Variants in FRMD7 observed in about 807,000 individuals in gnomAD.
FRMD7 encodes FERM domain-containing protein 7.
In FRMD7, 14 loss-of-function variants were observed where a neutral mutation model predicts 44.1. That is an observed-to-expected ratio of 0.32 (90% CI 0.21 to 0.50). The LOEUF (loss-of-function observed/expected upper bound fraction) is 0.50, where lower values mean the gene tolerates loss of function less well. Ranked by LOEUF, FRMD7 falls within the 20% of genes least tolerant of loss-of-function variation. The probability of loss-of-function intolerance (pLI) is 0.99; values close to 1 mark genes in which losing one functional copy is unlikely to be tolerated. For synonymous variants in FRMD7, 212 were observed against 187.4 expected (o/e 1.13, Z -1.07); for missense variants, 501 against 522.3 (o/e 0.96, Z 0.40).
At chrX:132,114,494 T>C (rs940255945) in intron 1 of FRMD7, among the ~76,000 whole-genome samples, 2 of 112,339 alleles carry the variant, frequency 1.8e-5, no homozygotes, top group African/African-American at 6.5e-5. Context: ...AAATTTATTT[T>C]CTTCATTTGT....
intron 9 of FRMD7, 56 bp downstream of exon 9, chrX:132,082,307 T>A: frequency 9.9e-7 from 1 of 1,005,870 alleles, no homozygotes; most frequent in Non-Finnish European, 1.4e-6. Context: ...CTAAGCCTCC[T>A]GTGTTATTGA....
chrX:132,097,429 C>A (rs755649538), intron 3 of FRMD7, 85 bp from the exon 4 acceptor site: 287 of 387,972 alleles, frequency 7.4e-4, no homozygotes, highest in Non-Finnish European at 9.2e-4. Flanking sequence ...ACACACACAC[C>A]CACACACACA....
intron 1 of FRMD7, among the ~76,000 whole-genome samples, chrX:132,107,634 G>GAGAGAGAGAGAGAGAGAGAGA (rs1928681190): frequency 2.7e-4 from 18 of 66,272 alleles, no homozygotes; most frequent in African/African-American, 8.8e-4. Flanking sequence ...AGAGAGAGAG[G>GAGAGAGAGAGAGAGAGAGAGA]GAGGGAGAAT....
At chrX:132,094,284 T>C (rs899185742) in intron 4 of FRMD7, 145 bp from the exon 5 acceptor site, 3 of 476,494 alleles carry the variant, frequency 6.3e-6, no homozygotes, top group African/African-American at 2.4e-5. Flanking sequence ...GAGTAATGCA[T>C]AGGCTTTGCT....
At chrX:132,085,764 C>A (rs746859117) in intron 6 of FRMD7, 36 bp from the exon 7 acceptor site, 40 of 1,179,274 alleles carry the variant, frequency 3.4e-5, no homozygotes, top group Non-Finnish European at 4.3e-5. Context: ...CTAATAAATG[C>A]CTCAAGAATG....
intron 4 of FRMD7, 26 bp downstream of exon 4, chrX:132,097,240 C>A: frequency 1.0e-6 from 1 of 995,336 alleles, no homozygotes; most frequent in South Asian, 1.9e-5. Flanking sequence ...TAACATCATG[C>A]AGAGACACAC....
chrX:132,096,286 G>T (rs779461559), intron 4 of FRMD7, among the ~76,000 whole-genome samples: 1 of 109,497 alleles, frequency 9.1e-6, no homozygotes, highest in Non-Finnish European at 1.9e-5. Context: ...AACTCTTTTG[G>T]GGGGAAGACA....
chrX:132,077,863 T>G lies in FRMD7; in HGVS notation c.*9A>C, dbSNP rs1360553733. The stretch of plus-strand genomic sequence containing the variant: ...GAACTGGCTCAGAAATGTCCATAGG[T>G]TCACACTTTTAAGCTAAAAAGTAAT... On this transcript the variant is annotated 3_prime_UTR_variant, in exon 12 of 12. Coordinates refer to ENST00000298542, the MANE Select transcript of FRMD7 (RefSeq NM_194277.3). The G allele has an allele frequency of 1.7e-6, 2 of 1,210,841 alleles. No homozygotes were observed. The highest frequency in any genetic ancestry group is 2.2e-6 in the Non-Finnish European group (2 of 894,548).
chrX:132,120,297 T>A (rs1437566615), intron 1 of FRMD7, among the ~76,000 whole-genome samples: 2 of 112,714 alleles, frequency 1.8e-5, no homozygotes, highest in African/African-American at 3.2e-5. Context: ...TTCAGAGGAA[T>A]CATCTCTGGC....
intron 1 of FRMD7, among the ~76,000 whole-genome samples, chrX:132,105,677 G>A (rs1928627539): frequency 1.8e-5 from 2 of 111,378 alleles, no homozygotes; most frequent in Non-Finnish European, 3.8e-5. Context: ...GGCCAATGGA[G>A]CAGAATAGAG....
At chrX:132,096,842 G>C (rs1468818886) in intron 4 of FRMD7, among the ~76,000 whole-genome samples, 1 of 111,074 alleles carries the variant, frequency 9.0e-6, no homozygotes, top group Non-Finnish European at 1.9e-5. Flanking sequence ...TTTTTCATAA[G>C]TATTTATCAT....
In FRMD7 at chrX:132,084,487, TAC is replaced by T; in HGVS notation, c.741+1_741+2del. ...TAAACGAATTTATTAGAAAGCTACT[TAC>T]CAAGATATTGGCATGAAGTTTGATG... On this transcript the variant is annotated splice_donor_variant, in intron 8 of 11. Coordinates refer to ENST00000298542, the MANE Select transcript of FRMD7 (RefSeq NM_194277.3). LOFTEE classifies it high-confidence loss of function. 1 of 1,106,118 alleles carries T rather than the reference TAC, an allele frequency of 9.0e-7. No homozygotes were observed. The highest frequency in any genetic ancestry group is 1.3e-6 in the Non-Finnish European group (1 of 798,924). The allele number at this position is 1,106,118 out of a possible 1,213,427, so 91.2% of individuals were successfully genotyped here.
intron 1 of FRMD7, among the ~76,000 whole-genome samples, chrX:132,105,714 C>T (rs1362711963): frequency 9.0e-6 from 1 of 111,514 alleles, no homozygotes; most frequent in Non-Finnish European, 1.9e-5. Flanking sequence ...TGCACAACTA[C>T]AGCCATCAAA....
intron 1 of FRMD7, among the ~76,000 whole-genome samples, chrX:132,113,452 C>G (rs147606380): frequency 1.8e-5 from 2 of 111,191 alleles, no homozygotes; most frequent in Admixed American, 1.9e-4. Context: ...AATGGCAGAC[C>G]TGGGAGTGGA....
chrX:132,087,119 C>A (rs1294347520), intron 5 of FRMD7, among the ~76,000 whole-genome samples: 1 of 111,816 alleles, frequency 8.9e-6, no homozygotes, highest in Non-Finnish European at 1.9e-5. Context: ...TTTTTGGATT[C>A]TTTTTTCTTC....
At chrX:132,117,333 G>C (rs1271757913) in intron 1 of FRMD7, among the ~76,000 whole-genome samples, 2 of 111,498 alleles carry the variant, frequency 1.8e-5, no homozygotes, top group Non-Finnish European at 3.8e-5. Context: ...TGCTTATGCA[G>C]GTAGTGGATC....
intron 9 of FRMD7, among the ~76,000 whole-genome samples, chrX:132,081,730 C>T (rs1227283407): frequency 1.8e-5 from 2 of 112,312 alleles, no homozygotes; most frequent in Admixed American, 9.4e-5. Flanking sequence ...CTTCCTCCAA[C>T]GGATTCCTAG....
chrX:132,100,799 ACT>A (rs1928477622), intron 1 of FRMD7, 83 bp from the exon 2 acceptor site: 13 of 674,919 alleles, frequency 1.9e-5, no homozygotes, highest in Non-Finnish European at 2.9e-5. Flanking sequence ...AAGCCACAAG[ACT>A]CTCTGCAAGC....
At chrX:132,125,149 T>C (rs1467697327) in intron 1 of FRMD7, among the ~76,000 whole-genome samples, 1 of 111,632 alleles carries the variant, frequency 9.0e-6, no homozygotes, top group Admixed American at 9.5e-5. Flanking sequence ...CTCCAGTTCT[T>C]GTGGAGTAGT....
Sources: gnomAD v4.1 joint callset for allele counts (sites outside exome capture counted in the v4.1 genomes callset) on GRCh38, gnomAD v4.1.1 for gene constraint, MANE v1.5 for transcripts, NCBI Gene and HGNC (gene_info 2026-07-23, HGNC 2026-07-21) for gene names.